The following CAMTA1 variants were observed in gnomAD, a reference collection of about 807,000 sequenced individuals.
CAMTA1 encodes calmodulin binding transcription activator 1.
CAMTA1 carries 27 observed loss-of-function variants against 170.9 expected under a neutral mutation model. The observed-to-expected ratio is 0.16, with a 90% CI of 0.12 to 0.22. The LOEUF (loss-of-function observed/expected upper bound fraction) is 0.22, where lower values mean the gene tolerates loss of function less well. Among genes scored for constraint, CAMTA1 ranks in the 10% least tolerant of loss-of-function variants. The pLI, the probability that CAMTA1 is intolerant of heterozygous loss-of-function variation, is 1.00. For synonymous variants in CAMTA1, 833 were observed against 891.5 expected, an observed-to-expected ratio of 0.93 and a Z score of 1.17; for missense variants, 1,619 against 2,217.2, an observed-to-expected ratio of 0.73 and a Z score of 5.42.
chr1:7,756,741 C>T (rs1464216842), intron 22 of CAMTA1, among the ~76,000 whole-genome samples: 2 of 151,630 alleles, frequency 1.3e-5, no homozygotes, highest in East Asian at 1.9e-4. Flanking sequence ...CCAGCTACTC[C>T]GGAGACTGAG....
At chr1:7,016,123 C>A (rs35553818) in intron 3 of CAMTA1, among the ~76,000 whole-genome samples, 34 of 152,194 alleles carry the variant, frequency 2.2e-4, no homozygotes, top group African/African-American at 8.0e-4. Flanking sequence ...CCTAACCCCC[C>A]GAAATCACTC....
intron 3 of CAMTA1, among the ~76,000 whole-genome samples, chr1:6,865,689 A>G (rs1666355208): frequency 1.3e-5 from 2 of 152,218 alleles, no homozygotes; most frequent in African/African-American, 4.8e-5. Context: ...AAGTAGTTAC[A>G]TTAATTATTT....
chr1:6,971,507 T>G lies in CAMTA1; in HGVS notation c.235-119797T>G, dbSNP rs936357917. On this transcript the variant is annotated intron_variant, in intron 3 of 22. Coordinates refer to ENST00000303635, the MANE Select transcript of CAMTA1 (RefSeq NM_015215.4). This position sits in a 1 kb window ranked among gnomAD's most constrained non-coding sequence, Gnocchi z 4.6. Reference sequence around the variant, plus strand: ...TTGTTTTTACCACCCCCACCCTCACTACTAATTTTACGTTGTCTTTGGAGT... The same window carrying G: ...TTGTTTTTACCACCCCCACCCTCACGACTAATTTTACGTTGTCTTTGGAGT... 2.0e-5 allele frequency among the ~76,000 whole-genome samples: 3 copies of G among 151,984 alleles called. No homozygotes were observed. Among genetic ancestry groups the G allele is most frequent in the Non-Finnish European group, 2.9e-5 (2 of 67,974 alleles).
At chr1:7,726,525 G>A (rs1192115794) in intron 11 of CAMTA1, among the ~76,000 whole-genome samples, 1 of 152,208 alleles carries the variant, frequency 6.6e-6, no homozygotes. Context: ...AAGCATGTAT[G>A]TGTAGAAATG....
At chr1:7,743,113 A>G (rs976690061) in intron 16 of CAMTA1, among the ~76,000 whole-genome samples, 2 of 152,182 alleles carry the variant, frequency 1.3e-5, no homozygotes, top group Admixed American at 6.5e-5. Flanking sequence ...TCGGCCTCAC[A>G]AAAGTGCTGA....
intron 3 of CAMTA1, among the ~76,000 whole-genome samples, chr1:7,048,713 C>T (rs989343958): frequency 9.2e-5 from 14 of 152,190 alleles, no homozygotes; most frequent in East Asian, 1.9e-4. Context: ...GTCTTGAGTC[C>T]GAAGTGAGCG....
intron 3 of CAMTA1, among the ~76,000 whole-genome samples, chr1:6,989,932 G>C (rs1488597563): frequency 1.3e-5 from 2 of 152,168 alleles, no homozygotes; most frequent in Non-Finnish European, 2.9e-5. Flanking sequence ...CAAGGAGAAT[G>C]GGGGAGTGGG....
At chr1:7,724,641 G>C (rs1374446114) in intron 11 of CAMTA1, among the ~76,000 whole-genome samples, 2 of 151,884 alleles carry the variant, frequency 1.3e-5, no homozygotes, top group African/African-American at 2.4e-5. Context: ...GACCATCCTG[G>C]CTAACATGGT....
At chr1:7,444,378 C>G (rs1216799212) in intron 5 of CAMTA1, among the ~76,000 whole-genome samples, 1 of 152,198 alleles carries the variant, frequency 6.6e-6, no homozygotes, top group Admixed American at 6.5e-5. Context: ...TAGCTTCTGC[C>G]ACGTGATGGG....
intron 6 of CAMTA1, among the ~76,000 whole-genome samples, chr1:7,474,980 A>ATGGCC (rs1386438194): frequency 3.9e-5 from 6 of 152,178 alleles, no homozygotes; most frequent in Non-Finnish European, 8.8e-5. Context: ...CCTGAAGAGT[A>ATGGCC]TGGCCGCGCT....
chr1:7,239,016 C>T (rs760773277), intron 4 of CAMTA1, among the ~76,000 whole-genome samples: 42 of 152,198 alleles, frequency 2.8e-4, no homozygotes, highest in Admixed American at 9.2e-4. Context: ...TATCAGTGCC[C>T]GCTATTTGGT....
chr1:7,357,425 A>G (rs1335677597), intron 5 of CAMTA1, among the ~76,000 whole-genome samples: 6 of 152,164 alleles, frequency 3.9e-5, no homozygotes, highest in African/African-American at 1.4e-4. Context: ...CCGGGCTCTC[A>G]AGTCCTGGCA....
chr1:7,695,587 TG>T (rs1437451041), intron 11 of CAMTA1, among the ~76,000 whole-genome samples: 2 of 152,088 alleles, frequency 1.3e-5, no homozygotes, highest in Non-Finnish European at 2.9e-5. Context: ...TCTTAGGCCC[TG>T]GGGGGCAGCA....
chr1:7,671,316 G>A (rs549472929), intron 10 of CAMTA1, among the ~76,000 whole-genome samples: 4 of 152,216 alleles, frequency 2.6e-5, no homozygotes, highest in Admixed American at 6.5e-5. Context: ...AGGCCCAGGC[G>A]ATGTATCCAG....
At chr1:7,270,240 TACATACACAC>T (rs1558335883) in intron 5 of CAMTA1, among the ~76,000 whole-genome samples, 1 of 74,308 alleles carries the variant, frequency 1.3e-5, no homozygotes, top group Non-Finnish European at 2.6e-5. Context: ...TACACATATA[TACATACACAC>T]ACACACACAC....
chr1:7,359,709 T>G (rs1470695737), intron 5 of CAMTA1, among the ~76,000 whole-genome samples: 1 of 152,144 alleles, frequency 6.6e-6, no homozygotes, highest in East Asian at 1.9e-4. Context: ...TCCTGAGAGC[T>G]GGCATGAGGG....
Position 7,391,867 on chromosome 1 carries a change from G to A in CAMTA1, c.439-75963G>A, listed in dbSNP as rs377720814. On this transcript the variant is annotated intron_variant, in intron 5 of 22. Coordinates refer to ENST00000303635, the MANE Select transcript of CAMTA1 (RefSeq NM_015215.4). ...TCCTTCCTTTTTATGGGTGAGTGGTGTTCCATGGTGTGGATATACAGCAAT... is the reference window on the plus strand; with the variant it reads ...TCCTTCCTTTTTATGGGTGAGTGGTATTCCATGGTGTGGATATACAGCAAT... 6.6e-5 allele frequency among the ~76,000 whole-genome samples: 10 copies of A among 152,278 alleles called. No homozygotes were observed. The East Asian group carries it at 7.7e-4, about 12-fold the overall frequency.
chr1:6,975,473 G>A (rs1693256316), intron 3 of CAMTA1, among the ~76,000 whole-genome samples: 2 of 152,114 alleles, frequency 1.3e-5, no homozygotes, highest in Admixed American at 6.5e-5. Flanking sequence ...GACGGTCATC[G>A]TTTGTTGACT....
intron 10 of CAMTA1, among the ~76,000 whole-genome samples, chr1:7,675,166 A>G (rs1189424916): frequency 2.0e-5 from 3 of 152,150 alleles, no homozygotes; most frequent in Non-Finnish European, 4.4e-5. Flanking sequence ...GGCCAGGTAG[A>G]GGGTAGGGGA....
Sources: gnomAD v4.1 joint callset for allele counts (sites outside exome capture counted in the v4.1 genomes callset) on GRCh38, gnomAD v4.1.1 for gene constraint, Gnocchi (gnomAD v3.1) non-coding constraint, MANE v1.5 for transcripts, NCBI Gene and HGNC (gene_info 2026-07-23, HGNC 2026-07-21) for gene names.